ZBTB20: variants seen among roughly 807,000 people sequenced by gnomAD.
The protein encoded by ZBTB20 is zinc finger and BTB domain containing 20, also known as zinc finger and BTB domain-containing protein 20.
A neutral mutation model predicts 56.9 loss-of-function variants in ZBTB20; 9 were observed. That is an observed-to-expected ratio of 0.16 (90% CI 0.10 to 0.28). The LOEUF (loss-of-function observed/expected upper bound fraction) is 0.28. ZBTB20 is among the 10% of genes least tolerant of loss of function. The pLI is 1.00. For missense variants in ZBTB20, 655 were observed against 1,003.0 expected (o/e 0.65, Z 4.69); for synonymous variants, 417 against 420.7 (o/e 0.99, Z 0.11).
intron 5 of ZBTB20, among the ~76,000 whole-genome samples, chr3:114,707,586 A>T (rs1326245148): frequency 6.6e-6 from 1 of 152,202 alleles, no homozygotes; most frequent in Non-Finnish European, 1.5e-5. Context: ...AATGTCGGGA[A>T]CTCAAAGCTA....
chr3:114,708,921 T>C (rs1423183768), intron 5 of ZBTB20, among the ~76,000 whole-genome samples: 1 of 151,954 alleles, frequency 6.6e-6, no homozygotes, highest in Non-Finnish European at 1.5e-5. Context: ...AAATATTACT[T>C]AAAATATTCA....
intron 6 of ZBTB20, among the ~76,000 whole-genome samples, chr3:114,678,079 A>G (rs1009307198): frequency 3.9e-5 from 6 of 152,170 alleles, no homozygotes; most frequent in African/African-American, 1.2e-4. Context: ...TTCATATGCA[A>G]TCTTTTGTCT....
At chr3:114,959,427 T>C (rs912055094) in intron 3 of ZBTB20, among the ~76,000 whole-genome samples, 5 of 152,024 alleles carry the variant, frequency 3.3e-5, no homozygotes, top group African/African-American at 1.2e-4. Flanking sequence ...TCCAGGTGGA[T>C]TGCCCACTGG....
At chr3:114,794,362 G>A (rs2071194324) in intron 5 of ZBTB20, among the ~76,000 whole-genome samples, 1 of 152,072 alleles carries the variant, frequency 6.6e-6, no homozygotes, top group South Asian at 2.1e-4. Flanking sequence ...GACCTTGAAA[G>A]GGTTATGATA....
chr3:114,700,340 A>G (rs184088529), intron 5 of ZBTB20, among the ~76,000 whole-genome samples: 2 of 152,284 alleles, frequency 1.3e-5, no homozygotes, highest in East Asian at 3.9e-4. Context: ...TAGTATTATT[A>G]TAATAAATAG....
chr3:114,742,560 G>A (rs916517824), intron 5 of ZBTB20, among the ~76,000 whole-genome samples: 4 of 152,088 alleles, frequency 2.6e-5, no homozygotes, highest in African/African-American at 9.7e-5. Context: ...TCTCCTACAA[G>A]ACAAGTGCTA....
chr3:115,072,425 T>A (rs1391300829), intron 1 of ZBTB20, among the ~76,000 whole-genome samples: 1 of 152,182 alleles, frequency 6.6e-6, no homozygotes, highest in Non-Finnish European at 1.5e-5. Context: ...TCAGGTCTCA[T>A]GGGTTCTAAG....
At chr3:115,050,618 T>C (rs111834350) in intron 2 of ZBTB20, among the ~76,000 whole-genome samples, 3,024 of 152,188 alleles carry the variant, frequency 0.02, 41 homozygotes, top group South Asian at 0.032. Flanking sequence ...CTCAATGATT[T>C]ATTAACTTTT....
At chr3:115,047,113 A>G (rs1489951143) in intron 2 of ZBTB20, among the ~76,000 whole-genome samples, 3 of 152,176 alleles carry the variant, frequency 2.0e-5, no homozygotes, top group Non-Finnish European at 4.4e-5. Context: ...ATTTGTCATC[A>G]TCTTTGAGGC....
intron 5 of ZBTB20, among the ~76,000 whole-genome samples, chr3:114,777,651 T>C (rs2108762158): frequency 6.6e-6 from 1 of 152,330 alleles, no homozygotes; most frequent in African/African-American, 2.4e-5. Flanking sequence ...TTGGTGGGAC[T>C]GTAAACTAGT....
chr3:114,748,351 T>TTC lies in ZBTB20; in HGVS notation c.-343+52749_-343+52750insGA, dbSNP rs1239684573. 3.8e-3 allele frequency among the ~76,000 whole-genome samples: 269 copies of TTC among 70,948 alleles called. 3 individuals carry two copies. The highest frequency in any genetic ancestry group is 6.2e-3 in the Middle Eastern group (1 of 162). The allele number at this position is 70,948 out of a possible 152,430, so 46.5% of individuals were successfully genotyped here. On this transcript the variant is annotated intron_variant, in intron 5 of 11. Coordinates refer to ENST00000675478, the MANE Select transcript of ZBTB20 (RefSeq NM_001348800.3). ...CTTTCTTTCTTCTTTCTTTCTTTCT[T>TTC]TTCTCTCTCTCTCTCTCTCTCTCTC... is the stretch of plus-strand genomic sequence containing the variant.
intron 1 of ZBTB20, among the ~76,000 whole-genome samples, chr3:115,118,703 A>AATTTTTTTTTT (rs2084091469): frequency 1.2e-5 from 1 of 82,212 alleles, no homozygotes; most frequent in Non-Finnish European, 2.2e-5. Context: ...CCTGGTACAA[A>AATTTTTTTTTT]TTTTTTTTTT....
At chr3:114,670,991 A>G (rs1241113540) in intron 6 of ZBTB20, among the ~76,000 whole-genome samples, 3 of 152,126 alleles carry the variant, frequency 2.0e-5, no homozygotes, top group Admixed American at 2.0e-4. Flanking sequence ...TGCTTGAAAT[A>G]CCAGGGTACA....
At chr3:114,878,136 T>G (rs572728765) in intron 4 of ZBTB20, among the ~76,000 whole-genome samples, 30 of 152,322 alleles carry the variant, frequency 2.0e-4, no homozygotes, top group Admixed American at 4.6e-4. Flanking sequence ...GTTCCCTGAA[T>G]CTACTACAAT....
chr3:115,128,669 A>G (rs2084406896), intron 1 of ZBTB20, among the ~76,000 whole-genome samples: 1 of 148,360 alleles, frequency 6.7e-6, no homozygotes, highest in Admixed American at 6.7e-5. Flanking sequence ...GACTCAAAAA[A>G]AAAAGAAAAG....
At chr3:114,399,856 T>C (rs1367390597) in intron 7 of ZBTB20, among the ~76,000 whole-genome samples, 1 of 152,124 alleles carries the variant, frequency 6.6e-6, no homozygotes, top group African/African-American at 2.4e-5. Context: ...GGAGATACTA[T>C]TGGCAATGCT....
intron 3 of ZBTB20, among the ~76,000 whole-genome samples, chr3:114,937,566 C>T (rs1576372483): frequency 1.3e-5 from 2 of 151,820 alleles, no homozygotes; most frequent in Admixed American, 1.3e-4. Context: ...GGACTACAGG[C>T]GCATCCTACC....
intron 4 of ZBTB20, among the ~76,000 whole-genome samples, chr3:114,894,023 C>T (rs2074754742): frequency 6.6e-6 from 1 of 152,146 alleles, no homozygotes; most frequent in Non-Finnish European, 1.5e-5. Flanking sequence ...GACACAAGTC[C>T]TAATGACAAC....
intron 2 of ZBTB20, among the ~76,000 whole-genome samples, chr3:115,070,215 C>T (rs2082358874): frequency 6.6e-6 from 1 of 152,128 alleles, no homozygotes; most frequent in East Asian, 1.9e-4. Flanking sequence ...CAATCTTTCA[C>T]AGTTGTCTAG....
Sources: gnomAD v4.1 joint callset for allele counts (sites outside exome capture counted in the v4.1 genomes callset) on GRCh38, gnomAD v4.1.1 for gene constraint, MANE v1.5 for transcripts, NCBI Gene and HGNC (gene_info 2026-07-23, HGNC 2026-07-21) for gene names.